FGGY: variants seen among roughly 807,000 people sequenced by gnomAD.
The protein encoded by FGGY is FGGY carbohydrate kinase domain containing.
In FGGY, 72 loss-of-function variants were observed where a neutral mutation model predicts 71.3. The ratio of observed to expected loss-of-function variants is 1.01; its 90% CI spans 0.84 to 1.23. FGGY has a LOEUF of 1.23. Ranked by LOEUF, FGGY falls within the 50% of genes most tolerant of loss-of-function variation. The pLI is 0.00. For synonymous variants in FGGY, 251 were observed against 250.3 expected, an observed-to-expected ratio of 1.00 and a Z score of -0.02; for missense variants, 668 against 682.3, an observed-to-expected ratio of 0.98 and a Z score of 0.23.
intron 8 of FGGY, among the ~76,000 whole-genome samples, chr1:59,588,602 C>T (rs7410990): frequency 0.18 from 26,824 of 151,996 alleles, 2,885 homozygotes; most frequent in South Asian, 0.35. Context: ...TGGCAGAAAC[C>T]CTACAAGCCA....
At chr1:59,552,613 T>A (rs573970570) in intron 7 of FGGY, among the ~76,000 whole-genome samples, 1 of 152,268 alleles carries the variant, frequency 6.6e-6, no homozygotes, top group African/African-American at 2.4e-5. Flanking sequence ...GATGAGACAT[T>A]CCCACCCTGC....
intron 14 of FGGY, among the ~76,000 whole-genome samples, chr1:59,741,003 A>G (rs1369792394): frequency 6.6e-6 from 1 of 152,100 alleles, no homozygotes; most frequent in Non-Finnish European, 1.5e-5. Context: ...ATAATAGGTT[A>G]AATAAAAACA....
At chr1:59,454,045 G>T (rs2091451694) in intron 5 of FGGY, among the ~76,000 whole-genome samples, 1 of 152,148 alleles carries the variant, frequency 6.6e-6, no homozygotes, top group African/African-American at 2.4e-5. Context: ...AGTTTAGCTT[G>T]GAGGTAGTAG....
intron 8 of FGGY, among the ~76,000 whole-genome samples, chr1:59,581,111 T>C (rs1390515278): frequency 5.3e-5 from 8 of 150,924 alleles, no homozygotes; most frequent in Admixed American, 5.2e-4. Flanking sequence ...CAATCAGTCA[T>C]CTTAGTGCTG....
chr1:59,718,974 T>G (rs1373198074), intron 14 of FGGY, among the ~76,000 whole-genome samples: 1 of 152,102 alleles, frequency 6.6e-6, no homozygotes, highest in Non-Finnish European at 1.5e-5. Context: ...ACAATTGACT[T>G]TTGCCCCTGG....
At chr1:59,680,355 T>C (rs956397961) in intron 14 of FGGY, among the ~76,000 whole-genome samples, 3 of 151,890 alleles carry the variant, frequency 2.0e-5, no homozygotes, top group Non-Finnish European at 2.9e-5. Context: ...TGGAATGGTA[T>C]AATAATTAAT....
intron 6 of FGGY, among the ~76,000 whole-genome samples, chr1:59,464,533 T>C (rs1398615365): frequency 2.0e-5 from 3 of 151,958 alleles, no homozygotes; most frequent in Admixed American, 6.6e-5. Flanking sequence ...CGGAAGGAGA[T>C]AGAGACACAC....
At chr1:59,610,567 C>G (rs1216813123) in intron 9 of FGGY, among the ~76,000 whole-genome samples, 1 of 152,238 alleles carries the variant, frequency 6.6e-6, no homozygotes, top group Non-Finnish European at 1.5e-5. Flanking sequence ...CAGCTCCAGT[C>G]TACAGCTCCC....
At chr1:59,386,869 T>A (rs2060131359) in intron 5 of FGGY, among the ~76,000 whole-genome samples, 1 of 152,168 alleles carries the variant, frequency 6.6e-6, no homozygotes, top group South Asian at 2.1e-4. Context: ...TTATTATTTC[T>A]TATATTTCTT....
chr1:59,686,612 A>C (rs1303844200), intron 14 of FGGY, among the ~76,000 whole-genome samples: 1 of 151,890 alleles, frequency 6.6e-6, no homozygotes, highest in African/African-American at 2.4e-5. Flanking sequence ...TTAAGGGCAA[A>C]CTTAATGCTC....
chr1:59,555,461 G>C (rs1409593960), intron 8 of FGGY, among the ~76,000 whole-genome samples: 1 of 152,178 alleles, frequency 6.6e-6, no homozygotes, highest in East Asian at 1.9e-4. Flanking sequence ...TCAGAGTGCT[G>C]CAAGAATTAA....
chr1:59,381,202 A>G (rs1033681568), intron 5 of FGGY, among the ~76,000 whole-genome samples: 5 of 151,964 alleles, frequency 3.3e-5, no homozygotes, highest in Non-Finnish European at 5.9e-5. Context: ...TAGCCTTGTA[A>G]TATAGTTTGA....
At chr1:59,559,677 G>A (rs2095754323) in intron 8 of FGGY, among the ~76,000 whole-genome samples, 1 of 152,124 alleles carries the variant, frequency 6.6e-6, no homozygotes, top group Non-Finnish European at 1.5e-5. Flanking sequence ...TATACAAGAT[G>A]AGCTTGGAGC....
At chr1:59,739,260 C>T (rs1272127928) in intron 14 of FGGY, among the ~76,000 whole-genome samples, 1 of 152,198 alleles carries the variant, frequency 6.6e-6, no homozygotes, top group Non-Finnish European at 1.5e-5. Context: ...AAAGCTGTAT[C>T]TTGTTCTGTC....
At chr1:59,465,296 C>T (rs1458766568) in intron 6 of FGGY, among the ~76,000 whole-genome samples, 1 of 152,024 alleles carries the variant, frequency 6.6e-6, no homozygotes, top group Non-Finnish European at 1.5e-5. Context: ...AAAAGACTGA[C>T]AAAATTTAAC....
intron 6 of FGGY, among the ~76,000 whole-genome samples, chr1:59,487,843 T>TA (rs1569931419): frequency 1.4e-5 from 2 of 142,450 alleles, no homozygotes; most frequent in Non-Finnish European, 3.1e-5. Context: ...TCAGCCCAAC[T>TA]AACTGAGGCT....
chr1:59,664,863 A>AT (rs2097309612), intron 12 of FGGY, among the ~76,000 whole-genome samples: 1 of 152,006 alleles, frequency 6.6e-6, no homozygotes, highest in African/African-American at 2.4e-5. Context: ...CACATTTTTA[A>AT]TTTTTTTGCA....
chr1:59,580,416 G>A (rs80252068), intron 8 of FGGY, among the ~76,000 whole-genome samples: 1,567 of 152,146 alleles, frequency 0.01, 33 homozygotes, highest in African/African-American at 0.036. Flanking sequence ...AGCCCCAAGT[G>A]AGCCTGTTAG....
At chr1:59,730,524 A>G (rs2098013197) in intron 14 of FGGY, among the ~76,000 whole-genome samples, 1 of 152,188 alleles carries the variant, frequency 6.6e-6, no homozygotes, top group Non-Finnish European at 1.5e-5. Context: ...GGGCCAATAA[A>G]TAGTTGCTAA....
Sources: gnomAD v4.1 joint callset for allele counts (sites outside exome capture counted in the v4.1 genomes callset) on GRCh38, gnomAD v4.1.1 for gene constraint, MANE v1.5 for transcripts, NCBI Gene and HGNC (gene_info 2026-07-23, HGNC 2026-07-21) for gene names.